PLCB1: variants seen among roughly 807,000 people sequenced by gnomAD.
The protein encoded by PLCB1 is 1-phosphatidylinositol 4,5-bisphosphate phosphodiesterase beta-1.
In PLCB1, 46 loss-of-function variants were observed where a neutral mutation model predicts 161.8. The observed-to-expected ratio is 0.28, with a 90% CI of 0.22 to 0.36. The LOEUF (loss-of-function observed/expected upper bound fraction) is 0.36. Ranked by LOEUF, PLCB1 falls within the 10% of genes least tolerant of loss-of-function variation. The pLI is 1.00. For synonymous variants in PLCB1, 517 were observed against 503.7 expected, an observed-to-expected ratio of 1.03 and a Z score of -0.35; for missense variants, 1,016 against 1,472.5, an observed-to-expected ratio of 0.69 and a Z score of 5.07.
In PLCB1 at chr20:8,459,415, C is replaced by T. The variant is rs538889829; in HGVS notation, c.246+87965C>T. Reference sequence around the variant, plus strand: ...ATCTTTTATAACCAGATGCTTGAACCCCTAGTCTGCCATGTATTGCTGCTG... The same window carrying T: ...ATCTTTTATAACCAGATGCTTGAACTCCTAGTCTGCCATGTATTGCTGCTG... On this transcript the variant is annotated intron_variant, in intron 3 of 31. Coordinates refer to ENST00000338037, the MANE Select transcript of PLCB1 (RefSeq NM_015192.4). Among the ~76,000 whole-genome samples, 3 of 152,168 alleles carry T rather than the reference C, an allele frequency of 2.0e-5. No homozygotes were observed. In the South Asian group the frequency reaches 6.2e-4, roughly 32 times the overall value.
intron 3 of PLCB1, among the ~76,000 whole-genome samples, chr20:8,608,843 T>C (rs1473131402): frequency 6.6e-6 from 1 of 152,176 alleles, no homozygotes; most frequent in Non-Finnish European, 1.5e-5. Flanking sequence ...TAAATTTGAA[T>C]GAATTCACTA....
intron 2 of PLCB1, among the ~76,000 whole-genome samples, chr20:8,299,761 A>G (rs960504128): frequency 1.3e-5 from 2 of 152,136 alleles, no homozygotes; most frequent in African/African-American, 2.4e-5. Flanking sequence ...TTAGGTTCTC[A>G]TCTTCTATGC....
chr20:8,276,310 C>CT (rs1203470157), intron 2 of PLCB1, among the ~76,000 whole-genome samples: 7 of 152,058 alleles, frequency 4.6e-5, no homozygotes, highest in Non-Finnish European at 1.0e-4. Context: ...AAAATTTAAA[C>CT]TTTTTTTGTG....
chr20:8,881,328 CGT>C lies in PLCB1; in HGVS notation c.3424-264_3424-263del, dbSNP rs3222517. Among the ~76,000 whole-genome samples, 743 of 128,766 alleles carry C rather than the reference CGT, an allele frequency of 5.8e-3. 7 individuals are homozygous for C. Among genetic ancestry groups the C allele is most frequent in the South Asian group, 8.8e-3 (37 of 4,198 alleles). The allele number at this position is 128,766 out of a possible 152,430, so 84.5% of individuals were successfully genotyped here. A position where few individuals can be genotyped will look rare whatever the true frequency, so the allele number is the denominator to read the frequency against. On this transcript the variant is annotated intron_variant, in intron 31 of 31. Transcript: ENST00000338037. ...ACTCTGACACCTTTTTCAAAAGACC[CGT>C]GTGTGTGTGTGTGTGTGTGTGTGTG...
intron 3 of PLCB1, among the ~76,000 whole-genome samples, chr20:8,590,523 A>G (rs746030505): frequency 2.0e-5 from 3 of 152,136 alleles, no homozygotes; most frequent in Non-Finnish European, 4.4e-5. Flanking sequence ...GTGACTTAAA[A>G]CAACACACAT....
intron 3 of PLCB1, among the ~76,000 whole-genome samples, chr20:8,394,222 C>G (rs1987695011): frequency 6.6e-6 from 1 of 152,044 alleles, no homozygotes; most frequent in Non-Finnish European, 1.5e-5. Context: ...TTTCTAGAGC[C>G]TATTTTTCTA....
At chr20:8,750,078 A>C (rs1012486609) in intron 23 of PLCB1, among the ~76,000 whole-genome samples, 3 of 152,118 alleles carry the variant, frequency 2.0e-5, no homozygotes, top group Non-Finnish European at 4.4e-5. Context: ...TGACATTATA[A>C]AATTTATACA....
At chr20:8,710,000 C>T (rs1978905860) in intron 12 of PLCB1, among the ~76,000 whole-genome samples, 1 of 152,204 alleles carries the variant, frequency 6.6e-6, no homozygotes, top group Non-Finnish European at 1.5e-5. Flanking sequence ...AACAATTTCT[C>T]ATCTCTGTCA....
intron 23 of PLCB1, among the ~76,000 whole-genome samples, chr20:8,749,291 G>T (rs1981331850): frequency 6.6e-6 from 1 of 152,162 alleles, no homozygotes; most frequent in Non-Finnish European, 1.5e-5. Context: ...CTGCTTTGAA[G>T]CCCTGCATCT....
At chr20:8,166,187 T>C (rs2051673236) in intron 2 of PLCB1, among the ~76,000 whole-genome samples, 1 of 152,066 alleles carries the variant, frequency 6.6e-6, no homozygotes, top group African/African-American at 2.4e-5. Flanking sequence ...CTGCCTATGC[T>C]CTCCCCATTA....
chr20:8,187,521 C>G (rs1332841057), intron 2 of PLCB1, among the ~76,000 whole-genome samples: 5 of 152,116 alleles, frequency 3.3e-5, no homozygotes, highest in African/African-American at 1.2e-4. Context: ...ATGGAGTTTG[C>G]CACTATAGGT....
intron 31 of PLCB1, among the ~76,000 whole-genome samples, chr20:8,807,936 A>G (rs898211235): frequency 2.0e-5 from 3 of 152,212 alleles, no homozygotes; most frequent in African/African-American, 4.8e-5. Context: ...ACAAAAGACT[A>G]TGTTCATCAT....
intron 3 of PLCB1, among the ~76,000 whole-genome samples, chr20:8,415,058 G>A (rs1979210834): frequency 6.6e-6 from 1 of 152,214 alleles, no homozygotes; most frequent in African/African-American, 2.4e-5. Context: ...TTGTTATCAT[G>A]GGTGAGTGAA....
intron 4 of PLCB1, among the ~76,000 whole-genome samples, chr20:8,633,625 T>C (rs963588392): frequency 1.3e-5 from 2 of 152,188 alleles, no homozygotes; most frequent in African/African-American, 2.4e-5. Context: ...GTTAATGCCA[T>C]GCTCATGGGA....
At position 8,879,832 on chromosome 20, in the gene PLCB1, A is replaced by G. The variant is rs1418153756; in HGVS notation, c.3424-1790A>G. Among the ~76,000 whole-genome samples, 5 of 152,274 alleles carry G rather than the reference A, an allele frequency of 3.3e-5. No individual in the cohort carries two copies. The East Asian group carries it at 7.8e-4, about 24-fold the overall frequency. ...TCCTGGAGATTGACTTCACCCTGGC[A>G]TTCCAGGGATCAGAACAAGCCCCAG... On this transcript the variant is annotated intron_variant, in intron 31 of 31. Coordinates refer to ENST00000338037, the MANE Select transcript of PLCB1 (RefSeq NM_015192.4).
At chr20:8,276,950 CTT>C (rs1982585606) in intron 2 of PLCB1, among the ~76,000 whole-genome samples, 1 of 112,646 alleles carries the variant, frequency 8.9e-6, no homozygotes. Flanking sequence ...TCTTCTTCTT[CTT>C]CTTCTTCTTC....
chr20:8,640,663 G>A (rs1356327653), intron 4 of PLCB1, among the ~76,000 whole-genome samples: 2 of 152,144 alleles, frequency 1.3e-5, no homozygotes, highest in Non-Finnish European at 2.9e-5. Flanking sequence ...CACACAATTA[G>A]CATTTTCTCA....
intron 2 of PLCB1, among the ~76,000 whole-genome samples, chr20:8,314,882 A>G (rs1449033267): frequency 6.6e-6 from 1 of 152,180 alleles, no homozygotes; most frequent in Non-Finnish European, 1.5e-5. Flanking sequence ...TGATTTTGCC[A>G]GCTACTGGCA....
chr20:8,867,610 A>G (rs908098255), intron 31 of PLCB1, among the ~76,000 whole-genome samples: 1 of 152,158 alleles, frequency 6.6e-6, no homozygotes, highest in Non-Finnish European at 1.5e-5. Flanking sequence ...TGTCTTTCTT[A>G]GCCTCTCTCG....
Sources: gnomAD v4.1 joint callset for allele counts (sites outside exome capture counted in the v4.1 genomes callset) on GRCh38, gnomAD v4.1.1 for gene constraint, MANE v1.5 for transcripts, NCBI Gene and HGNC (gene_info 2026-07-23, HGNC 2026-07-21) for gene names.